Variants in AKT3 observed in about 807,000 individuals in gnomAD.
The protein encoded by AKT3 is RAC-gamma serine/threonine-protein kinase.
In AKT3, 15 loss-of-function variants were observed where a neutral mutation model predicts 65.3. The observed-to-expected ratio is 0.23, with a 90% CI of 0.15 to 0.35. The LOEUF is 0.35. Ranked by LOEUF, AKT3 falls within the 10% of genes least tolerant of loss-of-function variation. AKT3 has a pLI of 1.00. For missense variants in AKT3, 243 were observed against 576.5 expected, an observed-to-expected ratio of 0.42 and a Z score of 5.92; for synonymous variants, 206 against 183.8, an observed-to-expected ratio of 1.12 and a Z score of -0.98.
intron 5 of AKT3, among the ~76,000 whole-genome samples, chr1:243,640,025 T>C (rs1464127177): frequency 6.6e-6 from 1 of 152,220 alleles, no homozygotes; most frequent in Non-Finnish European, 1.5e-5. Flanking sequence ...AATGCCTACG[T>C]TCACTTTCAA....
chr1:243,493,502 G>T (rs1365336235), intron 13 of AKT3, among the ~76,000 whole-genome samples: 2 of 152,092 alleles, frequency 1.3e-5, no homozygotes, highest in African/African-American at 4.8e-5. Context: ...AATGAATACG[G>T]TTTTGGCTGA....
At chr1:243,585,299 G>A (rs1476150651) in intron 8 of AKT3, among the ~76,000 whole-genome samples, 1 of 151,822 alleles carries the variant, frequency 6.6e-6, no homozygotes, top group East Asian at 1.9e-4. Context: ...CAGTAAAATA[G>A]CCATATTTCC....
chr1:243,800,460 C>T (rs572083739), intron 2 of AKT3, among the ~76,000 whole-genome samples: 1 of 152,330 alleles, frequency 6.6e-6, no homozygotes, highest in Admixed American at 6.5e-5. Flanking sequence ...TGGCTCACGC[C>T]TGTAATGCCA....
At chr1:243,780,954 G>T (rs1211450146) in intron 2 of AKT3, among the ~76,000 whole-genome samples, 1 of 151,992 alleles carries the variant, frequency 6.6e-6, no homozygotes, top group East Asian at 1.9e-4. Context: ...CAAACACTAA[G>T]AGGAATTACA....
chr1:243,819,925 T>C (rs1048899512), intron 2 of AKT3, among the ~76,000 whole-genome samples: 1 of 151,238 alleles, frequency 6.6e-6, no homozygotes, highest in Non-Finnish European at 1.5e-5. Context: ...GCCTGTTTTT[T>C]TGTTTTGTTT....
intron 2 of AKT3, among the ~76,000 whole-genome samples, chr1:243,724,346 T>C (rs1281154944): frequency 1.3e-5 from 2 of 152,080 alleles, no homozygotes; most frequent in Non-Finnish European, 2.9e-5. Flanking sequence ...CAGTCAGTAA[T>C]ATCTCTATTT....
chr1:243,525,173 T>C (rs1436700309), intron 12 of AKT3, among the ~76,000 whole-genome samples: 1 of 152,158 alleles, frequency 6.6e-6, no homozygotes, highest in African/African-American at 2.4e-5. Context: ...CCAAGCCTCC[T>C]AGTGAAGTCT....
At chr1:243,588,564 T>A (rs1675968898) in intron 8 of AKT3, among the ~76,000 whole-genome samples, 1 of 152,100 alleles carries the variant, frequency 6.6e-6, no homozygotes, top group Admixed American at 6.5e-5. Context: ...TGGAAGAGAA[T>A]CAAAAGCCAA....
chr1:243,837,245 A>T (rs1694948605), intron 2 of AKT3, among the ~76,000 whole-genome samples: 1 of 152,174 alleles, frequency 6.6e-6, no homozygotes, highest in South Asian at 2.1e-4. Flanking sequence ...GGAAATCCTT[A>T]AAAAATACAA....
intron 6 of AKT3, among the ~76,000 whole-genome samples, chr1:243,627,477 T>C (rs542421204): frequency 6.6e-6 from 1 of 152,366 alleles, no homozygotes; most frequent in South Asian, 2.1e-4. Flanking sequence ...CAGGTTTATC[T>C]GCATTTATCA....
intron 2 of AKT3, among the ~76,000 whole-genome samples, chr1:243,781,656 ATTTT>A (rs561392690): frequency 6.6e-6 from 1 of 152,124 alleles, no homozygotes. Context: ...AGACCTATGG[ATTTT>A]TTTAACAGTT....
At chr1:243,834,521 T>C (rs577604596) in intron 2 of AKT3, among the ~76,000 whole-genome samples, 16 of 152,232 alleles carry the variant, frequency 1.1e-4, no homozygotes, top group East Asian at 9.7e-4. Flanking sequence ...TGTGTACACA[T>C]TGAGTACACA....
At chr1:243,764,525 A>C (rs948501705) in intron 2 of AKT3, among the ~76,000 whole-genome samples, 1 of 152,114 alleles carries the variant, frequency 6.6e-6, no homozygotes, top group Non-Finnish European at 1.5e-5. Context: ...ATTTTTAAGA[A>C]AACTTTCACT....
intron 2 of AKT3, among the ~76,000 whole-genome samples, chr1:243,699,449 A>G (rs538512993): frequency 7.4e-4 from 100 of 136,028 alleles, no homozygotes; most frequent in African/African-American, 2.9e-3. Flanking sequence ...TAAGACTTCC[A>G]ACCCAACCTC....
chr1:243,627,070 G>A (rs1453690012), intron 6 of AKT3, among the ~76,000 whole-genome samples: 2 of 152,134 alleles, frequency 1.3e-5, no homozygotes, highest in Admixed American at 6.5e-5. Context: ...GTTCTGTGTC[G>A]TGCATGAAAA....
intron 2 of AKT3, among the ~76,000 whole-genome samples, chr1:243,747,654 A>G (rs1328550863): frequency 2.0e-5 from 3 of 152,234 alleles, no homozygotes; most frequent in Non-Finnish European, 4.4e-5. Flanking sequence ...AATGTCACCT[A>G]ACAACATGCT....
At chr1:243,512,475 A>G in intron 12 of AKT3, 49 bp from the exon 13 acceptor site, 2 of 1,191,856 alleles carry the variant, frequency 1.7e-6, no homozygotes, top group Non-Finnish European at 1.2e-6. Flanking sequence ...CAATTCAGGA[A>G]AATTCCTTTC....
intron 8 of AKT3, among the ~76,000 whole-genome samples, chr1:243,603,340 C>G (rs976922574): frequency 2.6e-5 from 4 of 152,138 alleles, no homozygotes; most frequent in African/African-American, 9.7e-5. Context: ...ATGGCAAATC[C>G]AATGGACAAT....
Position 243,839,654 on chromosome 1 carries a change from T to C in AKT3, c.46+3471A>G, listed in dbSNP as rs201214228. Among the ~76,000 whole-genome samples the C allele has an allele frequency of 3.3e-5, 5 of 152,284 alleles. No individual in the cohort carries two copies. The East Asian group carries it at 9.6e-4, about 29-fold the overall frequency. ...CTACGTAATAATGAATATTTATCTT[T>C]CAGCCCTTTTTTTATTTTCCAAGAA... On this transcript the variant is annotated intron_variant, in intron 2 of 13. Transcript: ENST00000673466.
Sources: gnomAD v4.1 joint callset for allele counts (sites outside exome capture counted in the v4.1 genomes callset) on GRCh38, gnomAD v4.1.1 for gene constraint, MANE v1.5 for transcripts, NCBI Gene and HGNC (gene_info 2026-07-23, HGNC 2026-07-21) for gene names.